FAM53B: variants seen among roughly 807,000 people sequenced by gnomAD.
FAM53B encodes protein FAM53B.
Under a neutral mutation model 32.7 loss-of-function variants are expected in FAM53B, and 12 were observed. The ratio of observed to expected loss-of-function variants is 0.37; its 90% confidence interval spans 0.24 to 0.59. The LOEUF is 0.59. Among genes scored for constraint, FAM53B ranks in the 20% least tolerant of loss-of-function variants. The pLI, the probability that FAM53B is intolerant of heterozygous loss-of-function variation, is 0.72. For missense variants in FAM53B, 477 were observed against 577.7 expected (o/e 0.83, Z 1.79); for synonymous variants, 234 against 228.7 (o/e 1.02, Z -0.21).
At chr10:124,641,101 C>G (rs1425643089) in intron 4 of FAM53B, among the ~76,000 whole-genome samples, 1 of 152,238 alleles carries the variant, frequency 6.6e-6, no homozygotes, top group African/African-American at 2.4e-5. Context: ...GTGCCCAGAG[C>G]AGACACCCTC....
chr10:124,735,510 G>A lies in FAM53B; in HGVS notation c.-175+8503C>T, dbSNP rs532528745. 3.3e-5 allele frequency among the ~76,000 whole-genome samples: 5 copies of A among 152,344 alleles called. No individual in the cohort carries two copies. The East Asian group carries it at 9.6e-4, about 29-fold the overall frequency. ...AACCCTACGCTATCTGAGAGAGGAA[G>A]ATGCTGGAGGAGAAAAGGCTCTATC... is the stretch of plus-strand genomic sequence containing the variant. On this transcript the variant is annotated intron_variant, in intron 1 of 4. Transcript: ENST00000337318.
chr10:124,697,829 C>T (rs1949884535), intron 2 of FAM53B, among the ~76,000 whole-genome samples: 1 of 152,154 alleles, frequency 6.6e-6, no homozygotes, highest in Admixed American at 6.5e-5. Flanking sequence ...GGCTCAGTCA[C>T]CCTCCTGGAT....
At chr10:124,634,674 C>T (rs1949415594) in intron 4 of FAM53B, among the ~76,000 whole-genome samples, 1 of 152,200 alleles carries the variant, frequency 6.6e-6, no homozygotes, top group Admixed American at 6.5e-5. Flanking sequence ...TTTAAAATTA[C>T]CCAGTCTCAA....
intron 3 of FAM53B, among the ~76,000 whole-genome samples, chr10:124,695,546 C>T (rs1033264563): frequency 6.6e-6 from 1 of 152,184 alleles, no homozygotes; most frequent in Non-Finnish European, 1.5e-5. Flanking sequence ...GAATTAGGCA[C>T]TTACCTAGCC....
chr10:124,664,691 C>T (rs950638270), intron 4 of FAM53B, among the ~76,000 whole-genome samples: 2 of 152,222 alleles, frequency 1.3e-5, no homozygotes, highest in Non-Finnish European at 2.9e-5. Context: ...GTTACCCCAG[C>T]CATCCACAGA....
At chr10:124,644,751 C>T (rs1589735722) in intron 4 of FAM53B, among the ~76,000 whole-genome samples, 1 of 152,014 alleles carries the variant, frequency 6.6e-6, no homozygotes, top group African/African-American at 2.4e-5. Flanking sequence ...GGGGTGGCAG[C>T]AGGGATGGGC....
At chr10:124,664,093 T>C (rs2134058572) in intron 4 of FAM53B, among the ~76,000 whole-genome samples, 1 of 152,216 alleles carries the variant, frequency 6.6e-6, no homozygotes, top group African/African-American at 2.4e-5. Context: ...ACTGAGGAGC[T>C]TGAGGCTCAG....
At chr10:124,679,679 T>C (rs975520004) in intron 4 of FAM53B, among the ~76,000 whole-genome samples, 1 of 152,314 alleles carries the variant, frequency 6.6e-6, no homozygotes, top group East Asian at 1.9e-4. Context: ...CGAGACCCAC[T>C]GCCAAGCAGG....
In FAM53B at chr10:124,622,255, A is replaced by G. The variant is rs1949315461; in HGVS notation, c.*987T>C. On this transcript the variant is annotated 3_prime_UTR_variant, in exon 5 of 5. Coordinates refer to ENST00000337318, the MANE Select transcript of FAM53B (RefSeq NM_014661.4). The stretch of plus-strand genomic sequence containing the variant: ...CTGCAGGGGCCCCTGCAGAGTGGCC[A>G]GCGGACGCCCTTCACCCCTGAGTGC... The G allele has an allele frequency of 6.6e-6, 1 of 152,178 alleles. No individual in the cohort carries two copies. Among genetic ancestry groups the G allele is most frequent in the Admixed American group, 6.5e-5 (1 of 15,286 alleles). 9.4% of individuals were successfully genotyped at this position (152,178 alleles called of 1,614,324 possible).
At chr10:124,723,412 G>C (rs1225498209) in intron 1 of FAM53B, among the ~76,000 whole-genome samples, 1 of 152,172 alleles carries the variant, frequency 6.6e-6, no homozygotes, top group African/African-American at 2.4e-5. Flanking sequence ...TTCACGGAGG[G>C]GCTGGGCTCA....
intron 4 of FAM53B, among the ~76,000 whole-genome samples, chr10:124,679,670 G>A (rs1185081676): frequency 1.3e-5 from 2 of 152,312 alleles, no homozygotes; most frequent in South Asian, 2.1e-4. Context: ...CCCTGTGCCC[G>A]AGACCCACTG....
At chr10:124,626,395 C>A (rs558386449) in intron 4 of FAM53B, among the ~76,000 whole-genome samples, 5 of 146,356 alleles carry the variant, frequency 3.4e-5, no homozygotes, top group Non-Finnish European at 7.7e-5. Context: ...TGTGCCCCCC[C>A]CCCCCCCACC....
chr10:124,732,259 C>T (rs1024688813), intron 1 of FAM53B, among the ~76,000 whole-genome samples: 8 of 152,264 alleles, frequency 5.3e-5, no homozygotes, highest in Non-Finnish European at 1.5e-5. Flanking sequence ...GCGCCCAAAG[C>T]CTGGCCAGGC....
At chr10:124,729,416 C>A (rs776359669) in intron 1 of FAM53B, among the ~76,000 whole-genome samples, 1 of 152,176 alleles carries the variant, frequency 6.6e-6, no homozygotes, top group Non-Finnish European at 1.5e-5. Flanking sequence ...TTTCCACGTA[C>A]GACCTCTTAA....
intron 3 of FAM53B, among the ~76,000 whole-genome samples, chr10:124,686,640 TCTC>T (rs1949804796): frequency 6.6e-6 from 1 of 152,214 alleles, no homozygotes. Flanking sequence ...CACATCTACT[TCTC>T]CTCCTAAGCC....
At chr10:124,658,399 C>T (rs544543782) in intron 4 of FAM53B, among the ~76,000 whole-genome samples, 1 of 152,208 alleles carries the variant, frequency 6.6e-6, no homozygotes, top group South Asian at 2.1e-4. Context: ...TTGCCACATC[C>T]CTACCCTGGT....
intron 1 of FAM53B, among the ~76,000 whole-genome samples, chr10:124,725,283 G>A (rs1385833582): frequency 6.6e-6 from 1 of 152,200 alleles, no homozygotes; most frequent in Non-Finnish European, 1.5e-5. Context: ...CCATTTCCTG[G>A]CTCTGCACCT....
intron 3 of FAM53B, among the ~76,000 whole-genome samples, chr10:124,691,021 T>G (rs1270028993): frequency 2.6e-5 from 4 of 152,238 alleles, no homozygotes; most frequent in Admixed American, 2.0e-4. Context: ...CTTCGTTTAT[T>G]TGTTCTAAGA....
intron 1 of FAM53B, chr10:124,742,581 T>C (rs1008915279): frequency 2.6e-5 from 4 of 152,210 alleles, no homozygotes; most frequent in Admixed American, 1.3e-4. Flanking sequence ...TCTGCTAATA[T>C]GTTGTAAGCA....
Sources: allele counts gnomAD v4.1 joint callset (sites outside exome capture counted in the v4.1 genomes callset), GRCh38; gene constraint gnomAD v4.1.1; transcripts MANE v1.5; gene names NCBI Gene and HGNC (gene_info 2026-07-23, HGNC 2026-07-21).